Variants in TRAM2 observed in about 807,000 individuals in gnomAD.
The protein encoded by TRAM2 is translocation associated membrane protein 2.
In TRAM2, 12 loss-of-function variants were observed where a neutral mutation model predicts 51.0. That is an observed-to-expected ratio of 0.24 (90% CI 0.15 to 0.38). The LOEUF (loss-of-function observed/expected upper bound fraction) is 0.38, where lower values mean the gene tolerates loss of function less well. TRAM2 is among the 10% of genes least tolerant of loss of function. The pLI is 1.00. For missense variants in TRAM2, 361 were observed against 462.0 expected (o/e 0.78, Z 2.00); for synonymous variants, 175 against 179.4 (o/e 0.98, Z 0.20).
intron 2 of TRAM2, chr6:52,522,921 T>C (rs17664241): frequency 0.24 from 165,835 of 701,706 alleles, 22,730 homozygotes; most frequent in Non-Finnish European, 0.29. Context: ...GCCTTTACAT[T>C]TCCCAGTCCT....
rs148442567 is a variant in TRAM2, at chr6:52,516,658, C to A, written c.264G>T (p.Leu88Phe). The A allele has an allele frequency of 1.5e-5, 24 of 1,614,054 alleles. No individual in the cohort carries two copies. Among genetic ancestry groups the A allele is most frequent in the Non-Finnish European group, 1.9e-5 (23 of 1,179,954 alleles). Reference protein sequence around the residue: ...ILFYIFITIILHAVVQEYILD... With the variant: ...ILFYIFITIIFHAVVQEYILD... ...AAATGTACTCCTGAACCACAGCATG[C>A]AAGATGATGGTGATGAAGATGTAGA... Residue 88 changes from leucine (L) to phenylalanine (F), a missense_variant, in exon 3 of 11, where the codon TTG becomes TTT. Transcript: ENST00000182527.
chr6:52,573,530 C>T (rs933665878), intron 1 of TRAM2, among the ~76,000 whole-genome samples: 5 of 152,160 alleles, frequency 3.3e-5, no homozygotes, highest in African/African-American at 1.2e-4. Flanking sequence ...GCCTGTAGGA[C>T]TGGGAGAAAA....
chr6:52,522,886 C>T (rs1282937944), intron 2 of TRAM2: 1 of 702,408 alleles, frequency 1.4e-6, no homozygotes, highest in Admixed American at 2.0e-5. Flanking sequence ...CTTCTGAGGT[C>T]ACCTGCAAGC....
At chr6:52,522,806 CT>C in intron 2 of TRAM2, 1 of 671,470 alleles carries the variant, frequency 1.5e-6, no homozygotes, top group Non-Finnish European at 2.7e-6. Flanking sequence ...GCAGCTGTCC[CT>C]TTTGGGGAGT....
At chr6:52,516,337 C>CT in intron 3 of TRAM2, 1 of 597,108 alleles carries the variant, frequency 1.7e-6, no homozygotes, top group Non-Finnish European at 3.0e-6. Flanking sequence ...TGTCTCTAGC[C>CT]TATGTGTAAA....
intron 1 of TRAM2, among the ~76,000 whole-genome samples, chr6:52,564,802 A>G (rs988789540): frequency 1.3e-5 from 2 of 152,192 alleles, no homozygotes; most frequent in Non-Finnish European, 2.9e-5. Flanking sequence ...AGAGAAAGAC[A>G]GAGGTGGGGA....
chr6:52,570,909 T>C (rs1472041909), intron 1 of TRAM2, among the ~76,000 whole-genome samples: 1 of 151,782 alleles, frequency 6.6e-6, no homozygotes, highest in African/African-American at 2.4e-5. Context: ...ACTCACAATG[T>C]TAACCAGCTG....
intron 1 of TRAM2, among the ~76,000 whole-genome samples, chr6:52,537,536 T>G (rs1345764975): frequency 1.3e-5 from 2 of 152,096 alleles, no homozygotes; most frequent in Non-Finnish European, 1.5e-5. Flanking sequence ...ATGACCCACC[T>G]CAATTGTAAC....
intron 7 of TRAM2, among the ~76,000 whole-genome samples, chr6:52,506,518 G>T (rs1307085308): frequency 2.0e-5 from 3 of 152,200 alleles, no homozygotes; most frequent in African/African-American, 7.2e-5. Context: ...TGTTCCTGTT[G>T]TCTGACTTTC....
intron 1 of TRAM2, among the ~76,000 whole-genome samples, chr6:52,568,213 CA>C (rs1372086673): frequency 6.6e-6 from 1 of 152,216 alleles, no homozygotes; most frequent in Non-Finnish European, 1.5e-5. Context: ...ATTCATTCCT[CA>C]AGAACCCTGA....
chr6:52,554,827 G>T (rs1187565031), intron 1 of TRAM2, among the ~76,000 whole-genome samples: 3 of 150,806 alleles, frequency 2.0e-5, no homozygotes, highest in African/African-American at 7.3e-5. Flanking sequence ...AGTGCAGTGG[G>T]GTGCAACCAC....
At chr6:52,503,317 T>TCC in intron 10 of TRAM2, 47 bp from the exon 11 acceptor site, 2 of 1,572,232 alleles carry the variant, frequency 1.3e-6, no homozygotes, top group Non-Finnish European at 1.8e-6. Context: ...CTGCTGGAGC[T>TCC]AAGGCAGAAG....
At chr6:52,541,441 C>T (rs1175525840) in intron 1 of TRAM2, among the ~76,000 whole-genome samples, 3 of 152,168 alleles carry the variant, frequency 2.0e-5, no homozygotes, top group Non-Finnish European at 4.4e-5. Flanking sequence ...ACCCTCAGCT[C>T]GAAAAGGTAA....
chr6:52,533,129 A>C (rs1180212151), intron 2 of TRAM2, among the ~76,000 whole-genome samples: 1 of 152,172 alleles, frequency 6.6e-6, no homozygotes, highest in Non-Finnish European at 1.5e-5. Flanking sequence ...TTTGGTGGGC[A>C]GAGTTTCAAT....
chr6:52,537,367 T>G (rs937721559), intron 1 of TRAM2, among the ~76,000 whole-genome samples: 1 of 152,220 alleles, frequency 6.6e-6, no homozygotes, highest in Admixed American at 6.5e-5. Context: ...TCCAACTGCC[T>G]GTATTTTCTT....
intron 1 of TRAM2, among the ~76,000 whole-genome samples, chr6:52,556,917 G>C (rs1254846337): frequency 7.6e-6 from 1 of 132,308 alleles, no homozygotes; most frequent in Non-Finnish European, 1.6e-5. Flanking sequence ...GACAGAGTGA[G>C]ACTCCATCTC....
At chr6:52,514,497 C>T (rs1766508882) in intron 4 of TRAM2, among the ~76,000 whole-genome samples, 1 of 152,150 alleles carries the variant, frequency 6.6e-6, no homozygotes. Flanking sequence ...TGTTATGTGC[C>T]TCCCCAAGAA....
intron 10 of TRAM2, among the ~76,000 whole-genome samples, 157 bp from the exon 11 acceptor site, chr6:52,503,427 T>C (rs1374111737): frequency 6.6e-6 from 1 of 152,118 alleles, no homozygotes; most frequent in Non-Finnish European, 1.5e-5. Flanking sequence ...GCACAGCAAA[T>C]GCAAGCCAGC....
chr6:52,539,247 T>C (rs756572079), intron 1 of TRAM2, among the ~76,000 whole-genome samples: 5 of 152,310 alleles, frequency 3.3e-5, no homozygotes, highest in Non-Finnish European at 7.4e-5. Context: ...AAAGGACATC[T>C]GTCTACAGGA....
Sources: allele counts gnomAD v4.1 joint callset (sites outside exome capture counted in the v4.1 genomes callset), GRCh38; gene constraint gnomAD v4.1.1; transcripts MANE v1.5; gene names NCBI Gene and HGNC (gene_info 2026-07-23, HGNC 2026-07-21).